Variants in AKR1C3 observed in about 807,000 individuals in gnomAD.
The protein encoded by AKR1C3 is aldo-keto reductase family 1 member C3.
AKR1C3 carries 48 observed loss-of-function variants against 43.6 expected under a neutral mutation model. The ratio of observed to expected loss-of-function variants is 1.10; its 90% CI spans 0.87 to 1.40. The LOEUF (loss-of-function observed/expected upper bound fraction) is 1.40. Ranked by LOEUF, AKR1C3 falls within the 40% of genes most tolerant of loss-of-function variation. The pLI is 0.00. For synonymous variants in AKR1C3, 162 were observed against 139.6 expected (o/e 1.16, Z -1.13); for missense variants, 482 against 391.2 (o/e 1.23, Z -1.96).
upstream of AKR1C3, among the ~76,000 whole-genome samples, chr10:5,090,114 T>C (rs1554783939): frequency 6.6e-6 from 1 of 152,106 alleles, no homozygotes; most frequent in Non-Finnish European, 1.5e-5. Flanking sequence ...TCGATCTTTG[T>C]TTACTGTGTG....
At chr10:5,086,807 A>G (rs1432704379) in intron 1 of AKR1C3, among the ~76,000 whole-genome samples, 1 of 152,194 alleles carries the variant, frequency 6.6e-6, no homozygotes, top group Non-Finnish European at 1.5e-5. Flanking sequence ...TTCTTGTTGA[A>G]TTGATCCTTT....
intron 2 of AKR1C3, 46 bp downstream of exon 2, chr10:5,096,623 T>C (rs781917456): frequency 6.4e-5 from 101 of 1,572,796 alleles, no homozygotes; most frequent in Non-Finnish European, 8.4e-5. Flanking sequence ...TTTATTGTGA[T>C]TGTGTGGAGA....
chr10:5,106,978 C>A (rs72774028), intron 8 of AKR1C3, among the ~76,000 whole-genome samples: 9,378 of 152,078 alleles, frequency 0.062, 343 homozygotes, highest in Middle Eastern at 0.085. Flanking sequence ...TCTTATCATC[C>A]ATTAAAAATG....
At chr10:5,087,873 GC>G (rs1414563597) in intron 1 of AKR1C3, among the ~76,000 whole-genome samples, 4 of 151,576 alleles carry the variant, frequency 2.6e-5, no homozygotes, top group Non-Finnish European at 4.4e-5. Context: ...CTAACTTTGG[GC>G]TTGGTTTGCT....
At chr10:5,056,846 C>G (rs1260447566) in intron 1 of AKR1C3, among the ~76,000 whole-genome samples, 1 of 152,184 alleles carries the variant, frequency 6.6e-6, no homozygotes, top group Non-Finnish European at 1.5e-5. Context: ...CTCCCAATTA[C>G]AACTGAGGAG....
chr10:5,103,567 G>C (rs190341320), intron 7 of AKR1C3, among the ~76,000 whole-genome samples: 2 of 152,260 alleles, frequency 1.3e-5, no homozygotes, highest in Non-Finnish European at 2.9e-5. Context: ...CAACGAGATA[G>C]CTCTGCTTCA....
intron 1 of AKR1C3, among the ~76,000 whole-genome samples, chr10:5,088,630 A>G (rs1229756443): frequency 6.6e-6 from 1 of 151,594 alleles, no homozygotes; most frequent in Non-Finnish European, 1.5e-5. Flanking sequence ...TATCTAGTAT[A>G]AGAATGGCTA....
intron 5 of AKR1C3, among the ~76,000 whole-genome samples, chr10:5,100,905 T>C (rs1331273802): frequency 6.6e-6 from 1 of 152,068 alleles, no homozygotes; most frequent in African/African-American, 2.4e-5. Context: ...TTTATGTGGG[T>C]ATATCTGCAT....
At chr10:5,098,703 G>A (rs1839273985) in intron 3 of AKR1C3, 99 bp from the exon 4 acceptor site, 1 of 892,500 alleles carries the variant, frequency 1.1e-6, no homozygotes, top group Non-Finnish European at 1.8e-6. Flanking sequence ...TGTACCACCT[G>A]TCTCATGGAG....
At chr10:5,096,192 T>C in intron 1 of AKR1C3, 1 of 512,540 alleles carries the variant, frequency 2.0e-6, no homozygotes, top group Non-Finnish European at 3.4e-6. Context: ...GGTACCTCCA[T>C]AACAGTGATC....
upstream of AKR1C3, among the ~76,000 whole-genome samples, chr10:5,089,588 A>T (rs1286749652): frequency 6.6e-6 from 1 of 151,992 alleles, no homozygotes; most frequent in African/African-American, 2.4e-5. Context: ...TTTTGTTTTC[A>T]AATTTTTGGT....
Position 5,107,501 on chromosome 10 carries a change from T to G in AKR1C3, c.970T>G (p.Ter324GluextTer17). The change falls in exon 9 of 9, where the codon TAA becomes GAA. Residue 324 changes from the stop codon to glutamate, a stop_lost. Coordinates refer to ENST00000380554, the MANE Select transcript of AKR1C3 (RefSeq NM_003739.6). ...TAATTATCCATATTCAGATGAATAT[T>G]AACATGGAGGGCTTTGCCTGATGTC... ...HPNYPYSDEY[*>E] is the part of the protein sequence containing the mutation. The G allele has an allele frequency of 6.3e-7, 1 of 1,589,080 alleles. No homozygotes were observed. The highest frequency in any genetic ancestry group is 8.6e-7 in the Non-Finnish European group (1 of 1,157,692).
At chr10:5,093,032 T>A (rs1554784540), upstream of AKR1C3, among the ~76,000 whole-genome samples, 1 of 152,074 alleles carries the variant, frequency 6.6e-6, no homozygotes, top group Non-Finnish European at 1.5e-5. Context: ...TCTGAACTTG[T>A]ATCTGCCTGG....
At chr10:5,071,748 A>T (rs1196874000) in intron 1 of AKR1C3, among the ~76,000 whole-genome samples, 2 of 152,224 alleles carry the variant, frequency 1.3e-5, no homozygotes, top group African/African-American at 4.8e-5. Flanking sequence ...AGTCTCACAG[A>T]GGGCAGGAGT....
chr10:5,059,972 T>C (rs10904407), intron 1 of AKR1C3, among the ~76,000 whole-genome samples: 120,437 of 151,948 alleles, frequency 0.79, 47,874 homozygotes, highest in South Asian at 0.89. Flanking sequence ...TGGATGTGTT[T>C]GGAGTTTATT....
intron 1 of AKR1C3, among the ~76,000 whole-genome samples, chr10:5,053,266 G>C (rs1310273389): frequency 6.6e-6 from 1 of 152,258 alleles, no homozygotes; most frequent in African/African-American, 2.4e-5. Context: ...GGCATGGTGG[G>C]CTGCAGGTCC....
At chr10:5,089,837 T>C (rs1205897726), upstream of AKR1C3, among the ~76,000 whole-genome samples, 1 of 152,154 alleles carries the variant, frequency 6.6e-6, no homozygotes, top group East Asian at 1.9e-4. Flanking sequence ...TTGTACTGGA[T>C]TTTTTTCTCA....
At chr10:5,078,265 A>C (rs1038921401) in intron 1 of AKR1C3, among the ~76,000 whole-genome samples, 14 of 152,198 alleles carry the variant, frequency 9.2e-5, no homozygotes, top group Admixed American at 2.6e-4. Flanking sequence ...AATGGTGGTG[A>C]AACCTCGTCT....
chr10:5,102,800 A>C, intron 7 of AKR1C3, 150 bp downstream of exon 7: 1 of 1,464,136 alleles, frequency 6.8e-7, no homozygotes, highest in South Asian at 1.4e-5. Flanking sequence ...GGTTTCTTCT[A>C]CTCTACCACG....
Sources: gnomAD v4.1 joint callset for allele counts (sites outside exome capture counted in the v4.1 genomes callset) on GRCh38, gnomAD v4.1.1 for gene constraint, MANE v1.5 for transcripts, NCBI Gene and HGNC (gene_info 2026-07-23, HGNC 2026-07-21) for gene names.